Variants in RAP1GAP2 observed in about 807,000 individuals in gnomAD.
RAP1GAP2 encodes the protein RAP1 GTPase activating protein 2, also known as rap1 GTPase-activating protein 2.
In RAP1GAP2, 27 loss-of-function variants were observed where a neutral mutation model predicts 95.0. The observed-to-expected ratio is 0.28, with a 90% confidence interval of 0.21 to 0.39. The LOEUF is 0.39. RAP1GAP2 is among the 10% of genes least tolerant of loss of function. The probability of loss-of-function intolerance (pLI) is 1.00; values close to 1 mark genes in which losing one functional copy is unlikely to be tolerated. For missense variants in RAP1GAP2, 771 were observed against 970.0 expected (o/e 0.79, Z 2.72); for synonymous variants, 373 against 380.9 (o/e 0.98, Z 0.24).
chr17:2,964,582 C>T (rs67033735), intron 7 of RAP1GAP2: 22,074 of 153,780 alleles, frequency 0.14, 1,806 homozygotes, highest in African/African-American at 0.22. Flanking sequence ...GACCACCCCC[C>T]GCAAATGTTT....
chr17:2,878,067 C>T (rs555125227), intron 2 of RAP1GAP2, among the ~76,000 whole-genome samples: 13 of 152,120 alleles, frequency 8.5e-5, no homozygotes, highest in East Asian at 1.9e-4. Context: ...TGGACACACG[C>T]GTTACCTGGC....
At chr17:2,780,294 G>C (rs112047425) in intron 1 of RAP1GAP2, among the ~76,000 whole-genome samples, 1 of 152,064 alleles carries the variant, frequency 6.6e-6, no homozygotes, top group Non-Finnish European at 1.5e-5. Context: ...CAGGTGATCC[G>C]CCCGCCCTGG....
chr17:2,800,893 A>G (rs1190747033), intron 2 of RAP1GAP2, among the ~76,000 whole-genome samples: 1 of 138,992 alleles, frequency 7.2e-6, no homozygotes, highest in African/African-American at 2.7e-5. Flanking sequence ...CTCTGTTGCC[A>G]GGCTGGAGTG....
chr17:2,771,904 T>C (rs556650871), intron 2 of RAP1GAP2, among the ~76,000 whole-genome samples: 47 of 151,966 alleles, frequency 3.1e-4, no homozygotes, highest in African/African-American at 1.1e-3. Flanking sequence ...AGAATATTAA[T>C]TTTTTTTTAA....
intron 8 of RAP1GAP2, among the ~76,000 whole-genome samples, chr17:2,968,232 G>A (rs1423047130): frequency 6.6e-6 from 1 of 152,022 alleles, no homozygotes; most frequent in Non-Finnish European, 1.5e-5. Context: ...AAGTTAGGGA[G>A]ATAATAAAAT....
intron 11 of RAP1GAP2, among the ~76,000 whole-genome samples, chr17:2,991,051 G>T (rs1360656358): frequency 2.0e-5 from 3 of 151,906 alleles, no homozygotes; most frequent in Non-Finnish European, 4.4e-5. Flanking sequence ...CACCATGTTG[G>T]CCAGGCTGGT....
intron 2 of RAP1GAP2, among the ~76,000 whole-genome samples, chr17:2,900,058 C>A (rs1160981942): frequency 1.3e-5 from 2 of 152,098 alleles, no homozygotes; most frequent in African/African-American, 4.8e-5. Flanking sequence ...CAAGAGAAAG[C>A]GTAGCTGAGC....
intron 3 of RAP1GAP2, among the ~76,000 whole-genome samples, chr17:2,935,389 C>T (rs190025202): frequency 8.3e-4 from 126 of 152,222 alleles, no homozygotes; most frequent in African/African-American, 2.8e-3. Flanking sequence ...TGCCTGTAAT[C>T]GCAGCTACTT....
rs557108469 is a variant in RAP1GAP2 at position 3,020,174 on chromosome 17, C to T, written c.1633-303C>T. Among the ~76,000 whole-genome samples, 18 of 152,332 alleles carry T rather than the reference C, an allele frequency of 1.2e-4. No homozygotes were observed. In the South Asian group the frequency reaches 1.2e-3, roughly 11 times the overall value. ...CTCTGTGCCTCTCAGCCTGTGTCCC[C>T]CGGAATTGTTCTGACCTTCTCAATT... On this transcript the variant is annotated intron_variant, in intron 18 of 24. Transcript: ENST00000254695.
At chr17:2,770,770 G>A (rs889194334) in intron 2 of RAP1GAP2, among the ~76,000 whole-genome samples, 10 of 152,362 alleles carry the variant, frequency 6.6e-5, no homozygotes, top group African/African-American at 2.4e-4. Flanking sequence ...GTCGGGCTCA[G>A]TGGCTCATGC....
intron 3 of RAP1GAP2, among the ~76,000 whole-genome samples, chr17:2,955,605 C>T (rs1444820186): frequency 6.6e-6 from 1 of 152,110 alleles, no homozygotes; most frequent in East Asian, 1.9e-4. Context: ...ATGAGGAATT[C>T]GTATTAACTT....
chr17:2,842,683 T>G (rs1304974399), intron 2 of RAP1GAP2, among the ~76,000 whole-genome samples: 1 of 152,090 alleles, frequency 6.6e-6, no homozygotes, highest in African/African-American at 2.4e-5. Context: ...TTTGACACCT[T>G]TCCTTGGCAG....
chr17:2,849,533 G>A lies in RAP1GAP2; in HGVS notation c.80+48983G>A, dbSNP rs1255106923. Among the ~76,000 whole-genome samples, 4 of 152,240 alleles carry A rather than the reference G, an allele frequency of 2.6e-5. No homozygotes were observed. The East Asian group carries it at 7.7e-4, about 29-fold the overall frequency. On this transcript the variant is annotated intron_variant, in intron 2 of 24. Coordinates refer to ENST00000254695, the MANE Select transcript of RAP1GAP2 (RefSeq NM_015085.5). Reference sequence around the variant, plus strand: ...TCTGCCTCAACCCACTGGCCCCTCAGGAACGGGCTGTGCAGCTGTCTGCGC... The same window carrying A: ...TCTGCCTCAACCCACTGGCCCCTCAAGAACGGGCTGTGCAGCTGTCTGCGC...
At chr17:2,831,641 A>C (rs1331407988) in intron 2 of RAP1GAP2, among the ~76,000 whole-genome samples, 1 of 151,996 alleles carries the variant, frequency 6.6e-6, no homozygotes, top group South Asian at 2.1e-4. Context: ...CTGTAATCCC[A>C]GGACCGTAGG....
In RAP1GAP2 at chr17:3,006,005, C is replaced by A. The variant is rs368049569; in HGVS notation, c.1323C>A (p.Asn441Lys). Residue 441 changes from asparagine to lysine, a missense_variant, in exon 16 of 25, where the codon AAC (asparagine) becomes AAA (lysine). Transcript: ENST00000254695. ...FLLTKLTNAE[N>K]ACCKSDKFAK... is the part of the protein sequence containing the mutation. ...TCACCAAGCTCACCAATGCCGAGAA[C>A]GCCTGCTGCAAGTCGGACAAGTTTG... The A allele has an allele frequency of 1.2e-6, 2 of 1,613,718 alleles. No homozygotes were observed. Among genetic ancestry groups the A allele is most frequent in the East Asian group, 4.5e-5 (2 of 44,864 alleles).
At chr17:2,819,869 A>C (rs2070206373) in intron 2 of RAP1GAP2, among the ~76,000 whole-genome samples, 1 of 149,240 alleles carries the variant, frequency 6.7e-6, no homozygotes, top group Admixed American at 6.7e-5. Flanking sequence ...CTGTAGCCTC[A>C]ATACCCCCAG....
intron 3 of RAP1GAP2, among the ~76,000 whole-genome samples, chr17:2,954,518 C>A (rs1400767177): frequency 6.6e-6 from 1 of 152,102 alleles, no homozygotes; most frequent in African/African-American, 2.4e-5. Flanking sequence ...CTTTTCTATA[C>A]CTCCTCCTGT....
In RAP1GAP2 at chr17:2,902,423, A is replaced by C. The variant is rs1039717786; in HGVS notation, c.81-2861A>C. ...GTAGAGACGGGGTTTCGCCACGTTG[A>C]ACAGGCTGGTTTGGAACTCCTGACC... On this transcript the variant is annotated intron_variant, in intron 2 of 24. Coordinates refer to ENST00000254695, the MANE Select transcript of RAP1GAP2 (RefSeq NM_015085.5). The surrounding 1 kb of genome is among the most constrained non-coding windows in gnomAD (Gnocchi z 4.1). 2.2e-4 allele frequency among the ~76,000 whole-genome samples: 33 copies of C among 152,102 alleles called. No individual in the cohort carries two copies. The highest frequency in any genetic ancestry group is 7.7e-4 in the African/African-American group (32 of 41,418).
At chr17:2,826,072 C>T (rs2070542579) in intron 2 of RAP1GAP2, among the ~76,000 whole-genome samples, 1 of 150,562 alleles carries the variant, frequency 6.6e-6, no homozygotes, top group Non-Finnish European at 1.5e-5. Context: ...CTTCCTCCTC[C>T]CAGGTTCAAG....
Sources: gnomAD v4.1 joint callset for allele counts (sites outside exome capture counted in the v4.1 genomes callset) on GRCh38, gnomAD v4.1.1 for gene constraint, Gnocchi (gnomAD v3.1) non-coding constraint, MANE v1.5 for transcripts, NCBI Gene and HGNC (gene_info 2026-07-23, HGNC 2026-07-21) for gene names.